The following LRIG1 variants were observed in gnomAD, a reference collection of about 807,000 sequenced individuals.
LRIG1 encodes the protein leucine rich repeats and immunoglobulin like domains 1, also known as leucine-rich repeats and immunoglobulin-like domains protein 1.
Under a neutral mutation model 99.2 loss-of-function variants are expected in LRIG1, and 48 were observed. That is an observed-to-expected ratio of 0.48 (90% CI 0.38 to 0.62). LRIG1 has a LOEUF of 0.62. Ranked by LOEUF, LRIG1 falls within the 20% of genes least tolerant of loss-of-function variation. The pLI is 0.00. For synonymous variants in LRIG1, 772 were observed against 596.1 expected (o/e 1.29, Z -4.30); for missense variants, 1,646 against 1,434.4 (o/e 1.15, Z -2.38).
chr3:66,381,339 A>G (rs1343993281), intron 17 of LRIG1, 140 bp downstream of exon 17: 1 of 711,116 alleles, frequency 1.4e-6, no homozygotes, highest in Non-Finnish European at 2.3e-6. Flanking sequence ...GCCAGGCCTG[A>G]GCTTCCCCTG....
intron 1 of LRIG1, among the ~76,000 whole-genome samples, chr3:66,479,814 T>C (rs1013560163): frequency 1.3e-5 from 2 of 152,236 alleles, no homozygotes; most frequent in Non-Finnish European, 2.9e-5. Context: ...GGTGAGGTAG[T>C]GCAGAAATGG....
At chr3:66,380,971 A>G in intron 17 of LRIG1, 110 bp from the exon 18 acceptor site, 1 of 1,109,982 alleles carries the variant, frequency 9.0e-7, no homozygotes, top group African/African-American at 1.6e-5. Context: ...CCCTGACTGC[A>G]AACACTGTAT....
chr3:66,452,230 C>T (rs2106809890), intron 2 of LRIG1, among the ~76,000 whole-genome samples: 1 of 152,332 alleles, frequency 6.6e-6, no homozygotes, highest in Non-Finnish European at 1.5e-5. Flanking sequence ...TATACACACA[C>T]TTTTGCGCAT....
chr3:66,385,615 G>C (rs1326417628), intron 13 of LRIG1, among the ~76,000 whole-genome samples: 1 of 152,084 alleles, frequency 6.6e-6, no homozygotes, highest in Non-Finnish European at 1.5e-5. Flanking sequence ...ACCACACCTG[G>C]CTAATTTTTG....
In LRIG1 at chr3:66,500,529, C is replaced by A; in HGVS notation, c.-122G>T. ...TAGACTCCGCACCGGGGCATGGCCC[C>A]CGCCCCAAGTTCTCTCTGCGGCCGC... On this transcript the variant is annotated 5_prime_UTR_variant, in exon 1 of 19. Coordinates refer to ENST00000273261, the MANE Select transcript of LRIG1 (RefSeq NM_015541.3). 3 of 476,262 alleles carry A rather than the reference C, an allele frequency of 6.3e-6. No homozygotes were observed. The highest frequency in any genetic ancestry group is 1.0e-5 in the Non-Finnish European group (3 of 297,170). 29.5% of individuals were successfully genotyped at this position (476,262 alleles called of 1,614,324 possible). A position where few individuals can be genotyped will look rare whatever the true frequency, so the allele number is the denominator to read the frequency against.
chr3:66,416,688 A>G (rs1050405757), intron 4 of LRIG1, among the ~76,000 whole-genome samples: 14 of 152,338 alleles, frequency 9.2e-5, no homozygotes, highest in Admixed American at 3.3e-4. Flanking sequence ...ACAGTGCATG[A>G]CACTAGAAAG....
intron 3 of LRIG1, among the ~76,000 whole-genome samples, chr3:66,433,604 A>C (rs146571756): frequency 8.5e-5 from 13 of 152,230 alleles, no homozygotes; most frequent in African/African-American, 3.1e-4. Flanking sequence ...TCCTGCCCCA[A>C]CTGAAAGACT....
Position 66,380,114 on chromosome 3 carries a change from C to G in LRIG1, c.*149G>C, listed in dbSNP as rs989317354. ...ATCCCCTCTTGCGTTTACTGTGCTT[C>G]AGATCCAAGTCCTGTGAGCGACTGA... On this transcript the variant is annotated 3_prime_UTR_variant, in exon 19 of 19. Transcript: ENST00000273261. 1 of 626,446 alleles carries G rather than the reference C, an allele frequency of 1.6e-6. No individual in the cohort carries two copies. The highest frequency in any genetic ancestry group is 3.1e-5 in the Admixed American group (1 of 32,264). 38.8% of individuals were successfully genotyped at this position (626,446 alleles called of 1,614,324 possible).
intron 1 of LRIG1, among the ~76,000 whole-genome samples, chr3:66,486,297 C>T (rs1234795040): frequency 6.6e-6 from 1 of 152,138 alleles, no homozygotes; most frequent in African/African-American, 2.4e-5. Flanking sequence ...CCCCATTTTA[C>T]AGAAAAGGAA....
intron 1 of LRIG1, among the ~76,000 whole-genome samples, chr3:66,464,488 A>T (rs1228677391): frequency 7.3e-6 from 1 of 137,514 alleles, no homozygotes; most frequent in Non-Finnish European, 1.5e-5. Context: ...TGGCCCATTC[A>T]GGGTTGCTTT....
At chr3:66,431,867 G>A (rs1364563164) in intron 3 of LRIG1, among the ~76,000 whole-genome samples, 1 of 152,084 alleles carries the variant, frequency 6.6e-6, no homozygotes, top group Admixed American at 6.6e-5. Flanking sequence ...ACCAAAAGCA[G>A]GGCACACAGC....
chr3:66,396,278 C>T (rs981932541), intron 11 of LRIG1, among the ~76,000 whole-genome samples: 2 of 152,188 alleles, frequency 1.3e-5, no homozygotes, highest in Non-Finnish European at 2.9e-5. Flanking sequence ...GATTCCAACC[C>T]CTAGGCTCTG....
chr3:66,492,180 A>G (rs1411107532), intron 1 of LRIG1, among the ~76,000 whole-genome samples: 1 of 152,244 alleles, frequency 6.6e-6, no homozygotes, highest in Non-Finnish European at 1.5e-5. Context: ...TTGAAACAAC[A>G]GCAAGATTAT....
At chr3:66,464,237 C>T (rs1700420604) in intron 1 of LRIG1, among the ~76,000 whole-genome samples, 1 of 152,116 alleles carries the variant, frequency 6.6e-6, no homozygotes, top group Non-Finnish European at 1.5e-5. Flanking sequence ...TTTGTATCAT[C>T]ATAGGTAACA....
Position 66,394,140 on chromosome 3 carries a change from A to G in LRIG1, c.1368T>C (p.Ile456=), listed in dbSNP as rs1701742744. 3.7e-6 allele frequency: 6 copies of G among 1,612,046 alleles called. No homozygotes were observed. Among genetic ancestry groups the G allele is most frequent in the Non-Finnish European group, 4.2e-6 (5 of 1,179,392 alleles). Residue 456 remains isoleucine (I), a synonymous_variant, in exon 12 of 19, where the codon ATT becomes ATC. Transcript: ENST00000273261. ...TCACAAAGGCCTGCAGCATCCTGCC[A>G]ATTAGCCACGGGGGCAGCCACTTCA... ...CQLKWLPPWL[I]GRMLQAFVTA...
intron 1 of LRIG1, 69 bp downstream of exon 1, chr3:66,500,121 A>T (rs923272159): frequency 7.9e-7 from 1 of 1,271,536 alleles, no homozygotes; most frequent in South Asian, 1.4e-5. Context: ...CTGAGTACGA[A>T]CCCCCGCCGC....
Position 66,383,155 on chromosome 3 carries a change from C to T in LRIG1, c.2318G>A (p.Arg773Gln), listed in dbSNP as rs779225873. ...CEMSNTLGTE[R>Q]AHSQLSVLPA... The stretch of plus-strand genomic sequence containing the variant: ...CAGGACGCTCAGCTGGCTGTGAGCT[C>T]GCTCCGTGCCCAGGGTGTTGGACAT... The change falls in exon 15 of 19, where the codon CGA (arginine) becomes CAA (glutamine). Residue 773 changes from arginine to glutamine, a missense_variant. By Grantham distance (43) the Arg-to-Gln change is conservative. Transcript: ENST00000273261. The T allele has an allele frequency of 1.7e-5, 27 of 1,614,240 alleles. No homozygotes were observed. Among genetic ancestry groups the T allele is most frequent in the Middle Eastern group, 1.6e-4 (1 of 6,062 alleles).
intron 11 of LRIG1, among the ~76,000 whole-genome samples, chr3:66,396,955 A>T (rs1701873936): frequency 6.6e-6 from 1 of 152,080 alleles, no homozygotes; most frequent in East Asian, 1.9e-4. Context: ...GAGCCATGGA[A>T]TCCTTTCTGT....
intron 1 of LRIG1, among the ~76,000 whole-genome samples, chr3:66,499,941 C>T (rs1045609689): frequency 2.6e-5 from 4 of 151,468 alleles, no homozygotes; most frequent in Non-Finnish European, 5.9e-5. Context: ...GACCCACGCT[C>T]GCTCGTCTCC....
Sources: allele counts gnomAD v4.1 joint callset (sites outside exome capture counted in the v4.1 genomes callset), GRCh38; gene constraint gnomAD v4.1.1; transcripts MANE v1.5; gene names NCBI Gene and HGNC (gene_info 2026-07-23, HGNC 2026-07-21).